The following CTBP1 variants were observed in gnomAD, a reference collection of about 807,000 sequenced individuals.
CTBP1 encodes C-terminal-binding protein 1.
Under a neutral mutation model 42.1 loss-of-function variants are expected in CTBP1, and 11 were observed. The ratio of observed to expected loss-of-function variants is 0.26; its 90% confidence interval spans 0.16 to 0.43. The LOEUF is 0.43. Among genes scored for constraint, CTBP1 ranks in the 20% least tolerant of loss-of-function variants. The pLI is 1.00. For synonymous variants in CTBP1, 324 were observed against 277.1 expected (o/e 1.17, Z -1.68); for missense variants, 399 against 624.3 (o/e 0.64, Z 3.85).
At chr4:1,213,434 C>G (rs1560225834) in intron 8 of CTBP1, 44 bp downstream of exon 8, 1 of 1,600,878 alleles carries the variant, frequency 6.2e-7, no homozygotes, top group Admixed American at 1.7e-5. Context: ...CTGGGGCTGG[C>G]AGGAAGGGAC....
At chr4:1,246,184 C>CA (rs1732703181) in intron 1 of CTBP1, among the ~76,000 whole-genome samples, 1 of 152,186 alleles carries the variant, frequency 6.6e-6, no homozygotes, top group Non-Finnish European at 1.5e-5. Flanking sequence ...CTGCAGCTGA[C>CA]AATGGAGGAC....
chr4:1,246,293 A>G (rs895311062), intron 1 of CTBP1, among the ~76,000 whole-genome samples: 10 of 151,982 alleles, frequency 6.6e-5, no homozygotes, highest in African/African-American at 2.2e-4. Flanking sequence ...CGCTCCGACC[A>G]GCGTTCCCTT....
chr4:1,240,222 C>A (rs891950750), intron 2 of CTBP1, among the ~76,000 whole-genome samples: 1 of 134,012 alleles, frequency 7.5e-6, no homozygotes, highest in Non-Finnish European at 1.6e-5. Flanking sequence ...CCGGGTCCCT[C>A]GTCGGAACCG....
chr4:1,240,046 T>C (rs914849375), intron 2 of CTBP1, among the ~76,000 whole-genome samples: 12 of 152,250 alleles, frequency 7.9e-5, no homozygotes, highest in Non-Finnish European at 1.6e-4. Flanking sequence ...GCTCTCAGTA[T>C]CCTTGGATTT....
intron 3 of CTBP1, among the ~76,000 whole-genome samples, chr4:1,229,320 T>A (rs1730720673): frequency 6.6e-6 from 1 of 152,182 alleles, no homozygotes. Context: ...CACACGTCCA[T>A]CCCACACTCC....
At chr4:1,222,551 C>T (rs767059018) in intron 5 of CTBP1, among the ~76,000 whole-genome samples, 1 of 152,154 alleles carries the variant, frequency 6.6e-6, no homozygotes, top group African/African-American at 2.4e-5. Context: ...CCACCCTGCA[C>T]TCCTCAGGAC....
At position 1,233,921 on chromosome 4, in the gene CTBP1, C is replaced by T. The variant is rs1015472844; in HGVS notation, c.162+4262G>A. ...CCTGGAGACAGGGAGCCTGCGGCCC[C>T]GCTGCCCTCTCCACAGCCACGAGGG... On this transcript the variant is annotated intron_variant, in intron 3 of 9. Transcript: ENST00000382952. The surrounding 1 kb of genome is among the most constrained non-coding windows in gnomAD (Gnocchi z 4.6). Among the ~76,000 whole-genome samples the T allele has an allele frequency of 6.6e-6, 1 of 152,232 alleles. No homozygotes were observed. The highest frequency in any genetic ancestry group is 2.4e-5 in the African/African-American group (1 of 41,462).
At chr4:1,244,863 C>T (rs1228290054) in intron 1 of CTBP1, 2 of 985,350 alleles carry the variant, frequency 2.0e-6, no homozygotes, top group Admixed American at 6.1e-5. Context: ...GGCGGTGCTG[C>T]CCAGCCAGGG....
intron 1 of CTBP1, 98 bp downstream of exon 1, chr4:1,248,818 G>A (rs946092710): frequency 8.7e-6 from 8 of 924,130 alleles, no homozygotes; most frequent in Non-Finnish European, 1.0e-5. Flanking sequence ...GCGGCCCGCG[G>A]GCGCGCGCTC....
Position 1,248,987 on chromosome 4 carries a change from A to T in CTBP1, c.-260T>A. On this transcript the variant is annotated 5_prime_UTR_variant, in exon 1 of 10. Coordinates refer to ENST00000382952, the MANE Select transcript of CTBP1 (RefSeq NM_001012614.2). ...GCGCGAGCGGCCGCGGGCCCCGACCACTCCGGCGCGCTGCGCCGCCGCGAG... is the reference window on the plus strand; with the variant it reads ...GCGCGAGCGGCCGCGGGCCCCGACCTCTCCGGCGCGCTGCGCCGCCGCGAG... 2.1e-6 allele frequency: 2 copies of T among 967,100 alleles called. No individual in the cohort carries two copies. Among genetic ancestry groups the T allele is most frequent in the Non-Finnish European group, 2.4e-6 (2 of 818,872 alleles). The allele number at this position is 967,100 out of a possible 1,614,324, so 59.9% of individuals were successfully genotyped here.
chr4:1,235,167 G>C lies in CTBP1; in HGVS notation c.162+3016C>G, dbSNP rs972138444. ...GACAGCCGGTGGGGGGCGTCCTTCT[G>C]GTTTGGGCTATGGTGAGTTAAGCTG... is the stretch of plus-strand genomic sequence containing the variant. On this transcript the variant is annotated intron_variant, in intron 3 of 9. Transcript: ENST00000382952. The surrounding 1 kb of genome is among the most constrained non-coding windows in gnomAD (Gnocchi z 4.2). 6.6e-6 allele frequency: 1 copy of C among 152,156 alleles called. No homozygotes were observed. The highest frequency in any genetic ancestry group is 1.5e-5 in the Non-Finnish European group (1 of 68,034). 9.4% of individuals were successfully genotyped at this position (152,156 alleles called of 1,614,324 possible).
intron 4 of CTBP1, among the ~76,000 whole-genome samples, chr4:1,227,050 G>A (rs1037533219): frequency 1.4e-4 from 22 of 152,022 alleles, no homozygotes; most frequent in African/African-American, 4.6e-4. Flanking sequence ...AAAACAGACC[G>A]AGCCTGGCAG....
At position 1,228,351 on chromosome 4, in the gene CTBP1, G is replaced by C. The variant is rs111230970; in HGVS notation, c.163-8C>G. ...CACAGCCTCGTTCAGGACCTGCAGC[G>C]AGAAAGCACACAGGCTCAGCCCGGA... is the stretch of plus-strand genomic sequence containing the variant. On this transcript the variant is annotated splice_region_variant and splice_polypyrimidine_tract_variant and intron_variant, in intron 3 of 9. Coordinates refer to ENST00000382952, the MANE Select transcript of CTBP1 (RefSeq NM_001012614.2). The C allele has an allele frequency of 2.5e-4, 398 of 1,611,954 alleles. No homozygotes were observed. The highest frequency in any genetic ancestry group is 3.1e-4 in the Non-Finnish European group (368 of 1,178,462).
rs753770631 is a variant in CTBP1, at chr4:1,241,370, A to G, written c.-39T>C. The G allele has an allele frequency of 3.9e-5, 42 of 1,084,330 alleles. No homozygotes were observed. The highest frequency in any genetic ancestry group is 6.0e-5 in the Non-Finnish European group (42 of 695,924). 67.2% of individuals were successfully genotyped at this position (1,084,330 alleles called of 1,614,324 possible). ...CTCAGCTTCCACGACCATGAATTCG[A>G]CTTTTCAAAGCTTTTTATCTTCAGG... On this transcript the variant is annotated 5_prime_UTR_variant, in exon 2 of 10. Coordinates refer to ENST00000382952, the MANE Select transcript of CTBP1 (RefSeq NM_001012614.2).
chr4:1,225,349 G>A lies in CTBP1; in HGVS notation c.514+11C>T, dbSNP rs375874348. Reference sequence around the variant, plus strand: ...GGGAGGGACACAGGCGTGGAGCTGCGGCCGACGCACCAAGTCCGATGATGC... The same window carrying A: ...GGGAGGGACACAGGCGTGGAGCTGCAGCCGACGCACCAAGTCCGATGATGC... On this transcript the variant is annotated intron_variant, in intron 5 of 9. Coordinates refer to ENST00000382952, the MANE Select transcript of CTBP1 (RefSeq NM_001012614.2). The A allele has an allele frequency of 5.3e-5, 82 of 1,541,514 alleles. No individual in the cohort carries two copies. The East Asian group carries it at 1.3e-3, about 25-fold the overall frequency.
Position 1,246,905 on chromosome 4 carries a change from G to A in CTBP1, c.-189+2011C>T, listed in dbSNP as rs556777068. On this transcript the variant is annotated intron_variant, in intron 1 of 9. Transcript: ENST00000382952. The stretch of plus-strand genomic sequence containing the variant: ...TCTGCTTACACTACAAATGTCCAAA[G>A]AGTGGGGGGCTCCCAGCCCTTGGGG... Among the ~76,000 whole-genome samples, 26 of 152,372 alleles carry A rather than the reference G, an allele frequency of 1.7e-4. No individual in the cohort carries two copies. In the South Asian group the frequency reaches 5.2e-3, roughly 30 times the overall value.
intron 5 of CTBP1, among the ~76,000 whole-genome samples, chr4:1,222,935 A>AC (rs3834218): frequency 3.6e-4 from 54 of 150,440 alleles, no homozygotes; most frequent in East Asian, 9.8e-4. Flanking sequence ...CACAGCCCAT[A>AC]CCCCCCCCAC....
At chr4:1,213,054 C>G in intron 8 of CTBP1, 24 bp from the exon 9 acceptor site, 1 of 1,608,196 alleles carries the variant, frequency 6.2e-7, no homozygotes, top group Non-Finnish European at 8.5e-7. Flanking sequence ...GAGGAAGGAA[C>G]AGCTGTGGCT....
rs548877372 is a variant in CTBP1 at position 1,242,741 on chromosome 4, C to T, written c.-188-1222G>A. 1.1e-4 allele frequency: 112 copies of T among 985,316 alleles called. No homozygotes were observed. In the Admixed American group the frequency reaches 1.7e-3, roughly 15 times the overall value. 61.0% of individuals were successfully genotyped at this position (985,316 alleles called of 1,614,324 possible). A position where few individuals can be genotyped will look rare whatever the true frequency, so the allele number is the denominator to read the frequency against. On this transcript the variant is annotated intron_variant, in intron 1 of 9. Transcript: ENST00000382952. ...CCTGCGCCTGAGCCCCCATGACCTG[C>T]GCTGCAGCCTCCTGCCCTGAATGCC...
Sources: allele counts gnomAD v4.1 joint callset (sites outside exome capture counted in the v4.1 genomes callset), GRCh38; gene constraint gnomAD v4.1.1; non-coding constraint Gnocchi (gnomAD v3.1); transcripts MANE v1.5; gene names NCBI Gene and HGNC (gene_info 2026-07-23, HGNC 2026-07-21).